Variants in ADGRL3 observed in about 807,000 individuals in gnomAD.
ADGRL3 encodes adhesion G protein-coupled receptor L3, also known as calcium-independent alpha-latrotoxin receptor 3.
A neutral mutation model predicts 153.5 loss-of-function variants in ADGRL3; 62 were observed. The ratio of observed to expected loss-of-function variants is 0.40; its 90% CI spans 0.33 to 0.50. The LOEUF is 0.50. Ranked by LOEUF, ADGRL3 falls within the 20% of genes least tolerant of loss-of-function variation. The probability of loss-of-function intolerance (pLI) is 0.47; values close to 1 mark genes in which losing one functional copy is unlikely to be tolerated. For synonymous variants in ADGRL3, 710 were observed against 672.5 expected (o/e 1.06, Z -0.86); for missense variants, 1,641 against 1,859.4 (o/e 0.88, Z 2.16).
At chr4:62,027,143 A>T (rs1204040114) in intron 21 of ADGRL3, among the ~76,000 whole-genome samples, 1 of 152,044 alleles carries the variant, frequency 6.6e-6, no homozygotes, top group Non-Finnish European at 1.5e-5. Flanking sequence ...ATATCACATT[A>T]TTATGTTTTA....
At chr4:61,326,342 T>C (rs2095463649) in intron 1 of ADGRL3, among the ~76,000 whole-genome samples, 1 of 152,076 alleles carries the variant, frequency 6.6e-6, no homozygotes, top group Admixed American at 6.6e-5. Context: ...TCCTGACCAT[T>C]TTCTACGTTT....
rs375125432 is a variant in ADGRL3 at position 61,871,122 on chromosome 4, C to T, written c.1481-21534C>T. On this transcript the variant is annotated intron_variant, in intron 9 of 26. Transcript: ENST00000683033. ...TGAAACCCCGTCTCTACTAAAAATA[C>T]AAAAAATTAGCCAGGTGTGGTGGCG... 4.6e-3 allele frequency among the ~76,000 whole-genome samples: 695 copies of T among 151,098 alleles called. 7 individuals carry two copies. The highest frequency in any genetic ancestry group is 0.016 in the African/African-American group (646 of 40,956).
intron 4 of ADGRL3, among the ~76,000 whole-genome samples, chr4:61,535,113 T>A (rs78165929): frequency 6.8e-6 from 1 of 147,288 alleles, no homozygotes; most frequent in Admixed American, 6.8e-5. Flanking sequence ...TATTTTTTTT[T>A]ATGCCTAGTT....
At chr4:61,735,203 GGAATGAAT>G (rs1253072113) in intron 8 of ADGRL3, among the ~76,000 whole-genome samples, 3 of 152,002 alleles carry the variant, frequency 2.0e-5, no homozygotes, top group East Asian at 1.9e-4. Flanking sequence ...TCACTCTTGT[GGAATGAAT>G]GAATGAATGA....
At chr4:61,956,026 A>T (rs1394331664) in intron 17 of ADGRL3, among the ~76,000 whole-genome samples, 3 of 152,192 alleles carry the variant, frequency 2.0e-5, no homozygotes, top group African/African-American at 4.8e-5. Flanking sequence ...TAGTAGAATG[A>T]TTTATACTCC....
chr4:62,016,161 G>T (rs929813709), intron 21 of ADGRL3, among the ~76,000 whole-genome samples: 2 of 151,902 alleles, frequency 1.3e-5, no homozygotes, highest in African/African-American at 4.8e-5. Context: ...CGATTCTCCT[G>T]CCTCAGCCTC....
At chr4:61,720,968 A>C (rs2096232557) in intron 6 of ADGRL3, among the ~76,000 whole-genome samples, 1 of 152,162 alleles carries the variant, frequency 6.6e-6, no homozygotes, top group African/African-American at 2.4e-5. Context: ...AATGGTGACA[A>C]TCATCTCAGC....
rs1746313026 is a variant in ADGRL3 at position 62,073,576 on chromosome 4, T to C, written c.*2668T>C. 1 of 152,156 alleles carries C rather than the reference T, an allele frequency of 6.6e-6. No individual in the cohort carries two copies. The highest frequency in any genetic ancestry group is 2.4e-5 in the African/African-American group (1 of 41,450). 9.4% of individuals were successfully genotyped at this position (152,156 alleles called of 1,614,324 possible). ...GAAAGCAACTCTATCAGTAAGAAGC[T>C]GGTTTCACAGAAAAATGGGGAAACT... is the stretch of plus-strand genomic sequence containing the variant. On this transcript the variant is annotated 3_prime_UTR_variant, in exon 27 of 27. Coordinates refer to ENST00000683033, the MANE Select transcript of ADGRL3 (RefSeq NM_001387552.1).
chr4:61,357,596 T>G (rs147650055), intron 1 of ADGRL3, among the ~76,000 whole-genome samples: 204 of 152,268 alleles, frequency 1.3e-3, no homozygotes, highest in African/African-American at 4.7e-3. Flanking sequence ...TTAAAGAGTA[T>G]TTTACATTTT....
At chr4:62,062,016 G>C (rs1740469065) in intron 25 of ADGRL3, among the ~76,000 whole-genome samples, 1 of 151,970 alleles carries the variant, frequency 6.6e-6, no homozygotes, top group African/African-American at 2.4e-5. Context: ...AATTGCACAA[G>C]TAGTTTTATA....
At chr4:61,487,037 T>C (rs1560715678) in intron 2 of ADGRL3, among the ~76,000 whole-genome samples, 1 of 152,226 alleles carries the variant, frequency 6.6e-6, no homozygotes, top group African/African-American at 2.4e-5. Context: ...AATATTTTAG[T>C]GTATAGCTAT....
chr4:61,589,440 T>A (rs1485181167), intron 5 of ADGRL3, among the ~76,000 whole-genome samples: 2 of 152,138 alleles, frequency 1.3e-5, no homozygotes, highest in Non-Finnish European at 2.9e-5. Context: ...AACCACAGCA[T>A]GTTAAATAAT....
chr4:61,329,779 A>ATG (rs1393119044), intron 1 of ADGRL3, among the ~76,000 whole-genome samples: 2 of 152,232 alleles, frequency 1.3e-5, no homozygotes, highest in Non-Finnish European at 2.9e-5. Context: ...TGGTGGACAT[A>ATG]TGGAGTGTTT....
At position 61,765,683 on chromosome 4, in the gene ADGRL3, C is replaced by T. The variant is rs116483112; in HGVS notation, c.1399+32129C>T. The stretch of plus-strand genomic sequence containing the variant: ...TGCGGTGGCCTTCTCACACCCTGTA[C>T]ACACCCTGTAGGAAAGGCCTCTACC... On this transcript the variant is annotated intron_variant, in intron 8 of 26. Transcript: ENST00000683033. 5.0e-3 allele frequency among the ~76,000 whole-genome samples: 758 copies of T among 152,190 alleles called. 8 individuals are homozygous for T. The highest frequency in any genetic ancestry group is 0.017 in the African/African-American group (697 of 41,500).
At chr4:61,599,095 G>T (rs1322405168) in intron 5 of ADGRL3, among the ~76,000 whole-genome samples, 2 of 152,190 alleles carry the variant, frequency 1.3e-5, no homozygotes, top group African/African-American at 4.8e-5. Context: ...AAGACCCAAA[G>T]ATACAGGATA....
chr4:61,515,678 A>G (rs192300150), intron 3 of ADGRL3, among the ~76,000 whole-genome samples: 12 of 152,326 alleles, frequency 7.9e-5, no homozygotes, highest in African/African-American at 2.9e-4. Flanking sequence ...CAATTTTTGC[A>G]TAACAGAGGC....
At chr4:61,881,401 C>T (rs1184791141) in intron 9 of ADGRL3, among the ~76,000 whole-genome samples, 1 of 151,974 alleles carries the variant, frequency 6.6e-6, no homozygotes, top group African/African-American at 2.4e-5. Context: ...TTTTTGGAAA[C>T]GGAGTCTGGC....
At chr4:61,507,506 T>TTTAA (rs1292128181) in intron 3 of ADGRL3, among the ~76,000 whole-genome samples, 20 of 152,206 alleles carry the variant, frequency 1.3e-4, no homozygotes, top group Admixed American at 5.9e-4. Flanking sequence ...ATATTTGCTG[T>TTTAA]CTTGTTAAAC....
chr4:61,539,784 C>T (rs1299677893), intron 4 of ADGRL3, among the ~76,000 whole-genome samples: 1 of 152,114 alleles, frequency 6.6e-6, no homozygotes. Flanking sequence ...CATATTGTTG[C>T]AGGGGTAAGG....
Sources: allele counts gnomAD v4.1 joint callset (sites outside exome capture counted in the v4.1 genomes callset), GRCh38; gene constraint gnomAD v4.1.1; transcripts MANE v1.5; gene names NCBI Gene and HGNC (gene_info 2026-07-23, HGNC 2026-07-21).